SPEG: variants seen among roughly 807,000 people sequenced by gnomAD.
The protein encoded by SPEG is striated muscle enriched protein kinase, also known as striated muscle preferentially expressed protein kinase.
In SPEG, 114 loss-of-function variants were observed where a neutral mutation model predicts 300.4. The observed-to-expected ratio is 0.38, with a 90% CI of 0.33 to 0.44. SPEG has a LOEUF of 0.44. SPEG is among the 20% of genes least tolerant of loss of function. SPEG has a pLI of 1.00. For synonymous variants in SPEG, 1,964 were observed against 2,018.9 expected (o/e 0.97, Z 0.73); for missense variants, 4,201 against 4,586.2 (o/e 0.92, Z 2.43).
Position 219,476,984 on chromosome 2 carries a change from T to A in SPEG, c.4560+2T>A. On this transcript the variant is annotated splice_donor_variant, in intron 19 of 40. Coordinates refer to ENST00000312358, the MANE Select transcript of SPEG (RefSeq NM_005876.5). LOFTEE classifies it high-confidence loss of function. ...CTGCCGGACATCATGTGGTACAAGG[T>A]CAGAGTGTGCTGCTGGCTGAGCCTG... is the stretch of plus-strand genomic sequence containing the variant. The A allele has an allele frequency of 6.2e-7, 1 of 1,601,822 alleles. No homozygotes were observed. Among genetic ancestry groups the A allele is most frequent in the Non-Finnish European group, 8.5e-7 (1 of 1,172,758 alleles).
Position 219,444,677 on chromosome 2 carries a change from T to A in SPEG, c.413T>A (p.Ile138Asn), listed in dbSNP as rs1390606443. Residue 138 changes from isoleucine to asparagine, a missense_variant, in exon 2 of 41, where the codon ATC becomes AAC. Physicochemically the swap from Ile to Asn is moderately radical, Grantham distance 149 (BLOSUM62 -3). This residue lies in a region of SPEG where 1,258 missense variants were observed against 1,293.9 expected (regional missense o/e 0.97). Transcript: ENST00000312358. This position sits in a 1 kb window ranked among gnomAD's most constrained non-coding sequence, Gnocchi z 7.8. ...VGDSETAEDDISDVQGTQRLE... is the reference protein window; with the variant it reads ...VGDSETAEDDNSDVQGTQRLE... ...GACTCAGAGACGGCTGAGGATGACA[T>A]CAGCGATGTGCAGGGAACCCAGCGC... 5 of 1,613,932 alleles carry A rather than the reference T, an allele frequency of 3.1e-6. No homozygotes were observed. In the African/African-American group the frequency reaches 6.7e-5, roughly 22 times the overall value.
rs1287701433 is a variant in SPEG, at chr2:219,458,608, A to C, written c.2441-3274A>C. On this transcript the variant is annotated intron_variant, in intron 6 of 40. Transcript: ENST00000312358. This position sits in a 1 kb window ranked among gnomAD's most constrained non-coding sequence, Gnocchi z 4.2. ...CCAAGATGGGAGACCAGGTCATGCC[A>C]GGGGAAGCACATGGGCTGTGTAGCC... Among the ~76,000 whole-genome samples, 1 of 152,128 alleles carries C rather than the reference A, an allele frequency of 6.6e-6. No individual in the cohort carries two copies. The highest frequency in any genetic ancestry group is 2.4e-5 in the African/African-American group (1 of 41,444).
At chr2:219,482,572 G>A (rs566704300) in intron 28 of SPEG, among the ~76,000 whole-genome samples, 1 of 152,150 alleles carries the variant, frequency 6.6e-6, no homozygotes, top group African/African-American at 2.4e-5. Flanking sequence ...CTCCCCTGGG[G>A]GGTTCAGGGG....
In SPEG at chr2:219,484,443, TGGAGTC is replaced by T. The variant is rs754280624; in HGVS notation, c.6985_6990del (p.Ser2329_Glu2330del). 3.7e-6 allele frequency: 6 copies of T among 1,611,292 alleles called. No homozygotes were observed. The highest frequency in any genetic ancestry group is 1.1e-5 in the South Asian group (1 of 91,068). On this transcript the variant is annotated inframe_deletion, in exon 30 of 41. Coordinates refer to ENST00000312358, the MANE Select transcript of SPEG (RefSeq NM_005876.5). ...AGTCTCAGTAGCAGCATCGAAAACT[TGGAGTC>T]GGAGGCCGTGTTCGAGGCCAAGTTC...
chr2:219,461,387 G>A lies in SPEG; in HGVS notation c.2441-495G>A, dbSNP rs566115489. ...AGTGCCGCCTCATTGGCCCTGGACC[G>A]AGGTCGGGATGTGACTTGTCTGCGG... On this transcript the variant is annotated intron_variant, in intron 6 of 40. Coordinates refer to ENST00000312358, the MANE Select transcript of SPEG (RefSeq NM_005876.5). The A allele has an allele frequency of 3.1e-3, 3,069 of 998,648 alleles. 8 individuals are homozygous for A. Among genetic ancestry groups the A allele is most frequent in the Non-Finnish European group, 3.5e-3 (2,957 of 839,838 alleles). 61.9% of individuals were successfully genotyped at this position (998,648 alleles called of 1,614,324 possible).
rs1689145068 is a variant in SPEG at position 219,444,588 on chromosome 2, G to A, written c.389-65G>A. 2 of 1,378,918 alleles carry A rather than the reference G, an allele frequency of 1.5e-6. No homozygotes were observed. The highest frequency in any genetic ancestry group is 1.7e-5 in the Admixed American group (1 of 57,592). The allele number at this position is 1,378,918 out of a possible 1,614,324, so 85.4% of individuals were successfully genotyped here. On this transcript the variant is annotated intron_variant, in intron 1 of 40. Transcript: ENST00000312358. This position sits in a 1 kb window ranked among gnomAD's most constrained non-coding sequence, Gnocchi z 7.8. ...CCTGCTGTTGGCAGGGAGGCAGAAG[G>A]CAATAGGGAAGAGTTGGAGGCAGAG... is the stretch of plus-strand genomic sequence containing the variant.
At position 219,480,010 on chromosome 2, in the gene SPEG, C is replaced by A. The variant is rs1401200569; in HGVS notation, c.5212C>A (p.Arg1738=). The A allele has an allele frequency of 6.2e-7, 1 of 1,614,114 alleles. No homozygotes were observed. The highest frequency in any genetic ancestry group is 2.2e-5 in the East Asian group (1 of 44,874). Residue 1738 remains arginine, a synonymous_variant, in exon 25 of 41, where the codon CGG becomes AGG. Coordinates refer to ENST00000312358, the MANE Select transcript of SPEG (RefSeq NM_005876.5). The surrounding 1 kb of genome is among the most constrained non-coding windows in gnomAD (Gnocchi z 5.3). ...TGGTGCTGCGGGCGAGCAGCAGGTGCGGATCTGTGACTTTGGGAATGCCCA... is the reference window on the plus strand; with the variant it reads ...TGGTGCTGCGGGCGAGCAGCAGGTGAGGATCTGTGACTTTGGGAATGCCCA... The part of the protein sequence containing the change: ...WDGAAGEQQV[R]ICDFGNAQEL...
chr2:219,490,833 C>T lies in SPEG; in HGVS notation c.9262C>T (p.Pro3088Ser). The T allele has an allele frequency of 6.2e-7, 1 of 1,614,098 alleles. No individual in the cohort carries two copies. The highest frequency in any genetic ancestry group is 8.5e-7 in the Non-Finnish European group (1 of 1,180,026). ...CCACGTGCTCCACCTAGACATCAAG[C>T]CAGACAACCTGCTGCTGGCCCCTGA... ...GHHVLHLDIK[P>S]DNLLLAPDNA... Residue 3088 changes from proline (P) to serine (S), a missense_variant, in exon 38 of 41, where the codon CCA (proline) becomes TCA (serine). Pro to Ser is a moderately conservative substitution (Grantham distance 74). Around this residue, in one of 4 missense-constraint regions of SPEG, gnomAD observed 318 missense variants for 429.5 expected, o/e 0.74. Transcript: ENST00000312358.
At position 219,473,120 on chromosome 2, in the gene SPEG, G is replaced by A. The variant is rs773167925; in HGVS notation, c.4147+24G>A. ...CGGTGAGCCTGGGTGCTCCTGTCGG[G>A]TGGGGGTGGGAGCTGCTGGGATGGG... On this transcript the variant is annotated intron_variant, in intron 16 of 40. Coordinates refer to ENST00000312358, the MANE Select transcript of SPEG (RefSeq NM_005876.5). This position sits in a 1 kb window ranked among gnomAD's most constrained non-coding sequence, Gnocchi z 4.6. The A allele has an allele frequency of 1.7e-5, 28 of 1,606,018 alleles. No individual in the cohort carries two copies. The East Asian group carries it at 5.8e-4, about 33-fold the overall frequency.
In SPEG at chr2:219,435,136, G is replaced by A. The variant is rs1344194562; in HGVS notation, c.159G>A (p.Ala53=). 1.4e-6 allele frequency: 2 copies of A among 1,457,538 alleles called. No individual in the cohort carries two copies. The highest frequency in any genetic ancestry group is 3.0e-5 in the African/African-American group (2 of 67,354). The allele number at this position is 1,457,538 out of a possible 1,614,324, so 90.3% of individuals were successfully genotyped here. Reference sequence around the variant, plus strand: ...TCCTGCGGCCCCTGAAGAACGCGGCGGTGTGCGCGGGCAGCGACGTGCGGC... The same window carrying A: ...TCCTGCGGCCCCTGAAGAACGCGGCAGTGTGCGCGGGCAGCGACGTGCGGC... ...PVFLRPLKNA[A]VCAGSDVRLR... The change falls in exon 1 of 41, where the codon GCG becomes GCA. Residue 53 remains alanine (A), a synonymous_variant. Transcript: ENST00000312358.
chr2:219,469,395 G>C lies in SPEG; in HGVS notation c.3715+16G>C. 6.2e-7 allele frequency: 1 copy of C among 1,603,320 alleles called. No homozygotes were observed. The highest frequency in any genetic ancestry group is 8.5e-7 in the Non-Finnish European group (1 of 1,172,802). On this transcript the variant is annotated intron_variant, in intron 13 of 40. Transcript: ENST00000312358. The stretch of plus-strand genomic sequence containing the variant: ...ATGACACAGTGTACGTGTCTGGGAA[G>C]TTCCCCGGGAGTGTCCCCTGCAGCA...
chr2:219,471,193 C>T (rs200975770), intron 13 of SPEG, among the ~76,000 whole-genome samples: 6 of 152,218 alleles, frequency 3.9e-5, no homozygotes, highest in Admixed American at 3.9e-4. Flanking sequence ...GGGCTGTACC[C>T]ACTTAAACTA....
chr2:219,469,406 G>A, intron 13 of SPEG, 27 bp downstream of exon 13: 1 of 1,579,398 alleles, frequency 6.3e-7, no homozygotes, highest in Non-Finnish European at 8.7e-7. Flanking sequence ...TTCCCCGGGA[G>A]TGTCCCCTGC....
In SPEG at chr2:219,451,476, G is replaced by A; in HGVS notation, c.2258-149G>A. ...CCCGAGAGAAGGGAGGGCAACCTGAGCTTCCCAAAATGAGGGCGGACTCTT... is the reference window on the plus strand; with the variant it reads ...CCCGAGAGAAGGGAGGGCAACCTGAACTTCCCAAAATGAGGGCGGACTCTT... On this transcript the variant is annotated intron_variant, in intron 5 of 40. Coordinates refer to ENST00000312358, the MANE Select transcript of SPEG (RefSeq NM_005876.5). The surrounding 1 kb of genome is among the most constrained non-coding windows in gnomAD (Gnocchi z 6.4). 1 of 1,118,056 alleles carries A rather than the reference G, an allele frequency of 8.9e-7. No individual in the cohort carries two copies. The highest frequency in any genetic ancestry group is 1.2e-6 in the Non-Finnish European group (1 of 820,976). The allele number at this position is 1,118,056 out of a possible 1,614,324, so 69.3% of individuals were successfully genotyped here.
rs1692631459 is a variant in SPEG at position 219,479,447 on chromosome 2, C to A, written c.5085+246C>A. ...ACCCCAGCTCCTAACTGTTGTTTCC[C>A]ACTCTTCATCACATAAACATCCCCC... On this transcript the variant is annotated intron_variant, in intron 23 of 40. Transcript: ENST00000312358. This position sits in a 1 kb window ranked among gnomAD's most constrained non-coding sequence, Gnocchi z 5.5. Among the ~76,000 whole-genome samples the A allele has an allele frequency of 6.6e-6, 1 of 152,172 alleles. No homozygotes were observed. Among genetic ancestry groups the A allele is most frequent in the South Asian group, 2.1e-4 (1 of 4,832 alleles).
chr2:219,492,962 C>T lies in SPEG; in HGVS notation c.*176C>T, dbSNP rs1196994277. On this transcript the variant is annotated 3_prime_UTR_variant, in exon 41 of 41. Transcript: ENST00000312358. ...AAGGACAGAGACCCCAGGGCCTGGA[C>T]CTGATGCCACCCCAGGCCAAAGCCA... The T allele has an allele frequency of 2.6e-6, 2 of 768,180 alleles. No individual in the cohort carries two copies. Among genetic ancestry groups the T allele is most frequent in the South Asian group, 2.9e-5 (2 of 68,140 alleles). The allele number at this position is 768,180 out of a possible 1,614,324, so 47.6% of individuals were successfully genotyped here.
Position 219,477,158 on chromosome 2 carries a change from G to A in SPEG, c.4561-119G>A, listed in dbSNP as rs1692422228. On this transcript the variant is annotated intron_variant, in intron 19 of 40. Transcript: ENST00000312358. The surrounding 1 kb of genome is among the most constrained non-coding windows in gnomAD (Gnocchi z 6.4). ...GTGCAGGGCTTTCTGTGGGAGATAA[G>A]GGAGGAGCTGACTCTGGGTCCTGGT... 2 of 1,053,072 alleles carry A rather than the reference G, an allele frequency of 1.9e-6. No individual in the cohort carries two copies. The highest frequency in any genetic ancestry group is 5.4e-5 in the Admixed American group (2 of 37,356). The allele number at this position is 1,053,072 out of a possible 1,614,324, so 65.2% of individuals were successfully genotyped here. A position where few individuals can be genotyped will look rare whatever the true frequency, so the allele number is the denominator to read the frequency against.
chr2:219,443,954 C>T lies in SPEG; in HGVS notation c.389-699C>T, dbSNP rs779501260. On this transcript the variant is annotated intron_variant, in intron 1 of 40. Transcript: ENST00000312358. This position sits in a 1 kb window ranked among gnomAD's most constrained non-coding sequence, Gnocchi z 4.6. ...TCACGCCCCTTCTGTCTTGACTGCC[C>T]TCCATGCCCTGCCCCACAAACGCTC... The T allele has an allele frequency of 7.9e-7, 1 of 1,269,150 alleles. No individual in the cohort carries two copies. The highest frequency in any genetic ancestry group is 1.2e-5 in the South Asian group (1 of 81,866). The allele number at this position is 1,269,150 out of a possible 1,614,324, so 78.6% of individuals were successfully genotyped here.
rs775198375 is a variant in SPEG at position 219,485,419 on chromosome 2, A to C, written c.7683A>C (p.Pro2561=). 3 of 1,606,622 alleles carry C rather than the reference A, an allele frequency of 1.9e-6. No individual in the cohort carries two copies. The East Asian group carries it at 6.7e-5, about 36-fold the overall frequency. ...RPRKDKGLSP[P]NLSASVQEEL... is the part of the protein sequence containing the mutation. ...GGAAGGACAAGGGGTTATCGCCACC[A>C]AACCTCTCTGCCAGCGTCCAGGAGG... Residue 2561 remains proline, a synonymous_variant, in exon 31 of 41, where the codon CCA becomes CCC. Coordinates refer to ENST00000312358, the MANE Select transcript of SPEG (RefSeq NM_005876.5).
Sources: gnomAD v4.1 joint callset for allele counts (sites outside exome capture counted in the v4.1 genomes callset) on GRCh38, gnomAD v4.1.1 for gene constraint, gnomAD v4.1.1 regional missense constraint, Gnocchi (gnomAD v3.1) non-coding constraint, MANE v1.5 for transcripts, NCBI Gene and HGNC (gene_info 2026-07-23, HGNC 2026-07-21) for gene names.